The following MYO5A variants were observed in gnomAD, a reference collection of about 807,000 sequenced individuals.
MYO5A encodes the protein myosin VA.
In MYO5A, 98 loss-of-function variants were observed where a neutral mutation model predicts 249.7. The observed-to-expected ratio is 0.39, with a 90% CI of 0.33 to 0.46. MYO5A has a LOEUF of 0.46. Ranked by LOEUF, MYO5A falls within the 20% of genes least tolerant of loss-of-function variation. The pLI is 0.98. For synonymous variants in MYO5A, 778 were observed against 810.6 expected, an observed-to-expected ratio of 0.96 and a Z score of 0.68; for missense variants, 1,696 against 2,308.8, an observed-to-expected ratio of 0.73 and a Z score of 5.44.
At position 52,379,743 on chromosome 15, in the gene MYO5A, G is replaced by C. The variant is rs1374557934; in HGVS notation, c.2100-10C>G. The stretch of plus-strand genomic sequence containing the variant: ...TTCTTGGTAAGTCCACCTATTAAAA[G>C]AAAACCATCTGAGTTTACTTAAAGA... On this transcript the variant is annotated splice_polypyrimidine_tract_variant and intron_variant, in intron 17 of 41. Transcript: ENST00000399233. The C allele has an allele frequency of 2.5e-6, 4 of 1,613,964 alleles. No homozygotes were observed. In the African/African-American group the frequency reaches 4.0e-5, roughly 16 times the overall value.
chr15:52,346,607 T>C (rs1022216596), intron 29 of MYO5A, 146 bp from the exon 30 acceptor site: 1 of 700,876 alleles, frequency 1.4e-6, no homozygotes, highest in African/African-American at 1.8e-5. Context: ...CAACCTCATG[T>C]AACTGCAGAG....
At chr15:52,378,234 T>C (rs374927244) in intron 18 of MYO5A, among the ~76,000 whole-genome samples, 1 of 150,468 alleles carries the variant, frequency 6.6e-6, no homozygotes, top group Non-Finnish European at 1.5e-5. Context: ...TAGAAGGGGA[T>C]TGGGCAGGCT....
intron 4 of MYO5A, among the ~76,000 whole-genome samples, chr15:52,418,078 G>A (rs2043598793): frequency 6.6e-6 from 1 of 152,216 alleles, no homozygotes; most frequent in Non-Finnish European, 1.5e-5. Context: ...CAGAAGTCAG[G>A]AAGGGTACAT....
intron 1 of MYO5A, among the ~76,000 whole-genome samples, chr15:52,470,860 T>C (rs374380154): frequency 9.9e-5 from 15 of 150,834 alleles, no homozygotes; most frequent in African/African-American, 3.7e-4. Context: ...CCATCTCTAC[T>C]AAGAACACAA....
intron 1 of MYO5A, among the ~76,000 whole-genome samples, chr15:52,502,269 T>A (rs189261995): frequency 1.3e-5 from 2 of 151,848 alleles, no homozygotes; most frequent in Non-Finnish European, 2.9e-5. Flanking sequence ...TGCAACAGAG[T>A]GAGACTCCAT....
intron 1 of MYO5A, among the ~76,000 whole-genome samples, chr15:52,473,110 T>C (rs980756661): frequency 7.7e-4 from 118 of 152,330 alleles, no homozygotes; most frequent in African/African-American, 2.7e-3. Context: ...TGGTATCTCA[T>C]TGTGGTTTTG....
intron 36 of MYO5A, among the ~76,000 whole-genome samples, chr15:52,324,650 A>G (rs1010328201): frequency 1.3e-5 from 2 of 152,194 alleles, no homozygotes; most frequent in Non-Finnish European, 2.9e-5. Context: ...AAGCTGTATG[A>G]GAATATCTGC....
chr15:52,449,636 T>G (rs774232688), intron 1 of MYO5A, among the ~76,000 whole-genome samples: 17 of 152,202 alleles, frequency 1.1e-4, no homozygotes, highest in Non-Finnish European at 2.5e-4. Flanking sequence ...ACCTTCTCTA[T>G]CCTATCTGTA....
At chr15:52,318,536 A>T (rs1360767712) in intron 39 of MYO5A, among the ~76,000 whole-genome samples, 1 of 152,086 alleles carries the variant, frequency 6.6e-6, no homozygotes, top group Non-Finnish European at 1.5e-5. Context: ...TTGGGCATAA[A>T]ATTAAGTGCA....
At chr15:52,463,831 A>C (rs940546959) in intron 1 of MYO5A, among the ~76,000 whole-genome samples, 1 of 152,260 alleles carries the variant, frequency 6.6e-6, no homozygotes, top group Non-Finnish European at 1.5e-5. Context: ...TTCATTCTTC[A>C]TCTTTCCAGA....
intron 1 of MYO5A, among the ~76,000 whole-genome samples, chr15:52,499,616 T>C (rs573915174): frequency 2.1e-4 from 32 of 152,352 alleles, no homozygotes; most frequent in African/African-American, 7.5e-4. Flanking sequence ...TTATTTCACA[T>C]GGCATAATGT....
Position 52,450,625 on chromosome 15 carries a change from GC to G in MYO5A, c.28-17341del, listed in dbSNP as rs1287224255. On this transcript the variant is annotated intron_variant, in intron 1 of 41. Coordinates refer to ENST00000399233, the MANE Select transcript of MYO5A (RefSeq NM_001382347.1). ...TGGAGGCTGCAAGAGCCAAGATGGT[GC>G]CACTGTACTCCAGCCTGGATGACAG... 9.3e-5 allele frequency among the ~76,000 whole-genome samples: 14 copies of G among 150,312 alleles called. No homozygotes were observed. The Middle Eastern group carries it at 0.01, about 110-fold the overall frequency.
intron 37 of MYO5A, among the ~76,000 whole-genome samples, chr15:52,322,777 AG>A (rs1168099262): frequency 6.7e-6 from 1 of 149,028 alleles, no homozygotes; most frequent in Admixed American, 6.6e-5. Flanking sequence ...TTTTTTTTTT[AG>A]AGTTAAAGGA....
At chr15:52,339,522 A>G (rs1217398542) in intron 32 of MYO5A, among the ~76,000 whole-genome samples, 1 of 151,778 alleles carries the variant, frequency 6.6e-6, no homozygotes, top group Non-Finnish European at 1.5e-5. Context: ...TTTTGGCAAA[A>G]GAAAAAAAAA....
At chr15:52,384,935 A>C (rs1400377423) in intron 14 of MYO5A, among the ~76,000 whole-genome samples, 1 of 152,130 alleles carries the variant, frequency 6.6e-6, no homozygotes, top group Non-Finnish European at 1.5e-5. Context: ...AAAGTTTAAA[A>C]CCCTACCCAT....
chr15:52,379,223 T>C (rs1387412077), intron 18 of MYO5A, among the ~76,000 whole-genome samples: 2 of 152,232 alleles, frequency 1.3e-5, no homozygotes, highest in East Asian at 3.8e-4. Context: ...ATTCAGCATT[T>C]GATATAGACA....
chr15:52,466,436 T>C (rs1438367345), intron 1 of MYO5A, among the ~76,000 whole-genome samples: 1 of 152,184 alleles, frequency 6.6e-6, no homozygotes, highest in Non-Finnish European at 1.5e-5. Context: ...GTGACTCCTA[T>C]AGCCCAAGAC....
intron 16 of MYO5A, among the ~76,000 whole-genome samples, chr15:52,380,704 T>G (rs974384890): frequency 2.0e-5 from 3 of 151,902 alleles, no homozygotes; most frequent in African/African-American, 7.3e-5. Context: ...GAGGCAGAGG[T>G]TGCAGTGAGC....
chr15:52,324,977 A>T (rs1412539383), intron 36 of MYO5A, among the ~76,000 whole-genome samples: 1 of 152,238 alleles, frequency 6.6e-6, no homozygotes, highest in East Asian at 1.9e-4. Flanking sequence ...TGAATAAAAT[A>T]AATTAAATAA....
Sources: gnomAD v4.1 joint callset for allele counts (sites outside exome capture counted in the v4.1 genomes callset) on GRCh38, gnomAD v4.1.1 for gene constraint, MANE v1.5 for transcripts, NCBI Gene and HGNC (gene_info 2026-07-23, HGNC 2026-07-21) for gene names.